ITGA6: variants seen among roughly 807,000 people sequenced by gnomAD.
ITGA6 encodes integrin subunit alpha 6, also known as integrin alpha-6.
A neutral mutation model predicts 133.6 loss-of-function variants in ITGA6; 63 were observed. The observed-to-expected ratio is 0.47, with a 90% confidence interval of 0.38 to 0.58. The LOEUF (loss-of-function observed/expected upper bound fraction) is 0.58. ITGA6 is among the 20% of genes least tolerant of loss of function. The pLI, the probability that ITGA6 is intolerant of heterozygous loss-of-function variation, is 0.00. For missense variants in ITGA6, 1,068 were observed against 1,309.4 expected (o/e 0.82, Z 2.85); for synonymous variants, 434 against 482.0 (o/e 0.90, Z 1.30).
chr2:172,457,125 T>G (rs1392406283), intron 1 of ITGA6, among the ~76,000 whole-genome samples: 2 of 151,788 alleles, frequency 1.3e-5, no homozygotes, highest in Non-Finnish European at 2.9e-5. Flanking sequence ...GAAACCCCAT[T>G]TCTACTAAAA....
chr2:172,484,283 C>T lies in ITGA6; in HGVS notation c.1550-499C>T, dbSNP rs184195150. On this transcript the variant is annotated intron_variant, in intron 11 of 25. Coordinates refer to ENST00000684293, the MANE Select transcript of ITGA6 (RefSeq NM_000210.4). ...TTATTAATAAAGCAGATTCTGCTTC[C>T]GTAGGTGTGACTGGGCCTGAGGTTC... 9.2e-5 allele frequency among the ~76,000 whole-genome samples: 14 copies of T among 152,288 alleles called. No homozygotes were observed. The East Asian group carries it at 1.9e-3, about 21-fold the overall frequency.
At chr2:172,481,411 TTA>T (rs1367849640) in intron 11 of ITGA6, among the ~76,000 whole-genome samples, 1 of 152,186 alleles carries the variant, frequency 6.6e-6, no homozygotes, top group Non-Finnish European at 1.5e-5. Flanking sequence ...TTCTTTAACT[TTA>T]TATGAAGTTT....
intron 3 of ITGA6, chr2:172,468,893 G>A: frequency 2.0e-6 from 1 of 493,008 alleles, no homozygotes; most frequent in Non-Finnish European, 3.6e-6. Context: ...TGGATTGGAG[G>A]ATTATTCTGA....
At chr2:172,487,496 C>T (rs756173885) in intron 15 of ITGA6, 43 bp downstream of exon 15, 1 of 1,610,088 alleles carries the variant, frequency 6.2e-7, no homozygotes, top group Non-Finnish European at 8.5e-7. Flanking sequence ...AAAAAATCAA[C>T]ACTGTGTGGC....
Position 172,427,668 on chromosome 2 carries a change from G to C in ITGA6, c.-121G>C. ...CGCGACCCGTCCCGGGGGTGGGGCC[G>C]GGCGCAGCGGCGAGAGGAGGCGAAG... On this transcript the variant is annotated 5_prime_UTR_variant, in exon 1 of 26. Transcript: ENST00000684293. The C allele has an allele frequency of 7.5e-7, 1 of 1,326,734 alleles. No homozygotes were observed. Among genetic ancestry groups the C allele is most frequent in the East Asian group, 3.2e-5 (1 of 31,048 alleles). 82.2% of individuals were successfully genotyped at this position (1,326,734 alleles called of 1,614,324 possible).
intron 1 of ITGA6, among the ~76,000 whole-genome samples, chr2:172,463,743 T>A (rs982910235): frequency 6.6e-6 from 1 of 152,190 alleles, no homozygotes; most frequent in African/African-American, 2.4e-5. Context: ...GGGCCTCTGA[T>A]CCTGGCACCC....
Position 172,427,953 on chromosome 2 carries a change from G to T in ITGA6, c.165G>T (p.Gln55His). 6.2e-7 allele frequency: 1 copy of T among 1,605,016 alleles called. No homozygotes were observed. The highest frequency in any genetic ancestry group is 8.5e-7 in the Non-Finnish European group (1 of 1,176,392). ...CGCTGGCCATGCACTGGCAACTGCA[G>T]CCCGAGGACAAGCGGCTGTGAGTTC... Reference protein sequence around the residue: ...GFSLAMHWQLQPEDKRLLLVG... With the variant: ...GFSLAMHWQLHPEDKRLLLVG... The change falls in exon 1 of 26, where the codon CAG (glutamine) becomes CAT (histidine). Residue 55 changes from glutamine (Q) to histidine (H), a missense_variant. By Grantham distance (24) the Gln-to-His change is conservative. Around this residue, in one of 3 missense-constraint regions of ITGA6, gnomAD observed 142 missense variants for 145.3 expected, o/e 0.98. Transcript: ENST00000684293.
At chr2:172,497,276 C>T (rs1687163037) in intron 23 of ITGA6, among the ~76,000 whole-genome samples, 1 of 152,008 alleles carries the variant, frequency 6.6e-6, no homozygotes, top group African/African-American at 2.4e-5. Flanking sequence ...GAGGTCAAAG[C>T]AGGAGGATCA....
chr2:172,455,873 T>A (rs1685186580), intron 1 of ITGA6, among the ~76,000 whole-genome samples: 1 of 152,322 alleles, frequency 6.6e-6, no homozygotes, highest in African/African-American at 2.4e-5. Flanking sequence ...TATGAGGTGT[T>A]AGTCTGGTAG....
intron 1 of ITGA6, among the ~76,000 whole-genome samples, chr2:172,450,220 T>C (rs1217295495): frequency 6.6e-6 from 1 of 152,102 alleles, no homozygotes; most frequent in Non-Finnish European, 1.5e-5. Flanking sequence ...CGGAACCCAC[T>C]GGAGGGCTGT....
In ITGA6 at chr2:172,504,349, C is replaced by A; in HGVS notation, c.*281C>A. 2.2e-6 allele frequency: 2 copies of A among 925,074 alleles called. No homozygotes were observed. The highest frequency in any genetic ancestry group is 3.2e-6 in the Non-Finnish European group (2 of 617,558). The allele number at this position is 925,074 out of a possible 1,614,324, so 57.3% of individuals were successfully genotyped here. A position where few individuals can be genotyped will look rare whatever the true frequency, so the allele number is the denominator to read the frequency against. ...TAAAAGCCTGCTCAATCCCTGAGGA[C>A]TGATTTCAGAGTGACTACACACAGT... is the stretch of plus-strand genomic sequence containing the variant. On this transcript the variant is annotated 3_prime_UTR_variant, in exon 26 of 26. Coordinates refer to ENST00000684293, the MANE Select transcript of ITGA6 (RefSeq NM_000210.4).
Position 172,501,812 on chromosome 2 carries a change from C to T in ITGA6, c.3155C>T (p.Ala1052Val). The change falls in exon 25 of 26, where the codon GCC becomes GTC. Residue 1052 changes from alanine (A) to valine (V), a missense_variant. Physicochemically the swap from Ala to Val is moderately conservative, Grantham distance 64. Coordinates refer to ENST00000684293, the MANE Select transcript of ITGA6 (RefSeq NM_000210.4). ...FKRNKKDHYD[A>V]TYHKAEIHAQ... ...AGAAATAAGAAAGATCATTATGATG[C>T]CACATATCACAAGGCTGAGATCCAT... 6.2e-7 allele frequency: 1 copy of T among 1,612,132 alleles called. No individual in the cohort carries two copies. Among genetic ancestry groups the T allele is most frequent in the Non-Finnish European group, 8.5e-7 (1 of 1,178,880 alleles).
chr2:172,484,795 AC>A lies in ITGA6; in HGVS notation c.1564del (p.Glu523LysfsTer30), dbSNP rs1299944005. On this transcript the variant is annotated frameshift_variant, in exon 12 of 26. Coordinates refer to ENST00000684293, the MANE Select transcript of ITGA6 (RefSeq NM_000210.4). LOFTEE classifies it high-confidence loss of function. ...YNPSISIVGT[L>X]EAEKERRKSG... ...AATTTTATCTAGCAATTGTGGGCAC[AC>A]TTGAAGCTGAAAAAGAAAGAAGAAA... 6.2e-7 allele frequency: 1 copy of A among 1,614,006 alleles called. No homozygotes were observed. Among genetic ancestry groups the A allele is most frequent in the African/African-American group, 1.3e-5 (1 of 74,936 alleles).
intron 1 of ITGA6, 80 bp downstream of exon 1, chr2:172,428,050 C>A: frequency 6.8e-7 from 1 of 1,472,906 alleles, no homozygotes; most frequent in Non-Finnish European, 9.1e-7. Context: ...CCTGTTCCCG[C>A]CGGCCCCGGG....
At chr2:172,482,928 C>T (rs188575396) in intron 11 of ITGA6, among the ~76,000 whole-genome samples, 2 of 152,324 alleles carry the variant, frequency 1.3e-5, no homozygotes, top group Admixed American at 6.5e-5. Flanking sequence ...TCATCTGTTC[C>T]ATAAATCATA....
chr2:172,440,057 A>G (rs1387085292), intron 1 of ITGA6, among the ~76,000 whole-genome samples: 1 of 152,198 alleles, frequency 6.6e-6, no homozygotes, highest in East Asian at 1.9e-4. Context: ...AGAATTCTTC[A>G]GGTCAACATT....
At chr2:172,468,812 GT>G (rs1478563292) in intron 3 of ITGA6, among the ~76,000 whole-genome samples, 1 of 152,156 alleles carries the variant, frequency 6.6e-6, no homozygotes, top group African/African-American at 2.4e-5. Context: ...GAAATAAGGT[GT>G]TTCTCTTTGT....
Position 172,465,531 on chromosome 2 carries a change from A to G in ITGA6, c.183-8A>G. On this transcript the variant is annotated splice_polypyrimidine_tract_variant and splice_region_variant and intron_variant, in intron 1 of 25. Transcript: ENST00000684293. The stretch of plus-strand genomic sequence containing the variant: ...CAAATCTCCAAATTGTCTCTGTTTC[A>G]TCAACAGGTTGCTCGTGGGGGCCCC... 6.2e-7 allele frequency: 1 copy of G among 1,614,194 alleles called. No homozygotes were observed.
chr2:172,474,982 T>C lies in ITGA6; in HGVS notation c.1040T>C (p.Val347Ala), dbSNP rs987707617. ...CAGTATTTTGATAGAGATGGAGAAG[T>C]TGGAGGTGCAGTGTATGTCTACATG... ...APQYFDRDGE[V>A]GGAVYVYMNQ... Residue 347 changes from valine to alanine, a missense_variant, in exon 7 of 26, where the codon GTT (valine) becomes GCT (alanine). Physicochemically the swap from Val to Ala is moderately conservative, Grantham distance 64. This residue lies in a region of ITGA6 where 317 missense variants were observed against 456.9 expected (regional missense o/e 0.69). Coordinates refer to ENST00000684293, the MANE Select transcript of ITGA6 (RefSeq NM_000210.4). 3 of 1,588,186 alleles carry C rather than the reference T, an allele frequency of 1.9e-6. No individual in the cohort carries two copies. The highest frequency in any genetic ancestry group is 2.6e-6 in the Non-Finnish European group (3 of 1,156,318).
Sources: gnomAD v4.1 joint callset for allele counts (sites outside exome capture counted in the v4.1 genomes callset) on GRCh38, gnomAD v4.1.1 for gene constraint, gnomAD v4.1.1 regional missense constraint, MANE v1.5 for transcripts, NCBI Gene and HGNC (gene_info 2026-07-23, HGNC 2026-07-21) for gene names.